Variants in GREB1 observed in about 807,000 individuals in gnomAD.
The protein encoded by GREB1 is protein GREB1.
Under a neutral mutation model 200.7 loss-of-function variants are expected in GREB1, and 106 were observed. The ratio of observed to expected loss-of-function variants is 0.53; its 90% confidence interval spans 0.45 to 0.62. The LOEUF is 0.62. Among genes scored for constraint, GREB1 ranks in the 20% least tolerant of loss-of-function variants. The pLI is 0.00. For missense variants in GREB1, 2,243 were observed against 2,556.8 expected (o/e 0.88, Z 2.65); for synonymous variants, 1,132 against 1,092.4 (o/e 1.04, Z -0.72).
At chr2:11,489,771 T>C (rs1025178782) in intron 1 of GREB1, among the ~76,000 whole-genome samples, 22 of 152,094 alleles carry the variant, frequency 1.4e-4, no homozygotes, top group African/African-American at 5.3e-4. Flanking sequence ...CAATCTACCA[T>C]GTAAAAGTAT....
rs1680035147 is a variant in GREB1 at position 11,585,910 on chromosome 2, G to C, written c.1159+5G>C. 1 of 1,612,626 alleles carries C rather than the reference G, an allele frequency of 6.2e-7. No individual in the cohort carries two copies. The highest frequency in any genetic ancestry group is 1.7e-5 in the Admixed American group (1 of 59,962). On this transcript the variant is annotated splice_donor_5th_base_variant and intron_variant, in intron 9 of 32. Coordinates refer to ENST00000381486, the MANE Select transcript of GREB1 (RefSeq NM_014668.4). ...CCAAGCCAGTGATATTTAAAGGCAA[G>C]TACAGCAGTGCACCGAGTCGTGGGG...
upstream of GREB1, among the ~76,000 whole-genome samples, chr2:11,530,722 G>T (rs550152818): frequency 2.0e-5 from 3 of 152,256 alleles, no homozygotes; most frequent in African/African-American, 4.8e-5. Flanking sequence ...ATGATGAAGT[G>T]CACCTTCACC....
At chr2:11,545,572 G>A (rs879941184) in intron 1 of GREB1, among the ~76,000 whole-genome samples, 5 of 152,136 alleles carry the variant, frequency 3.3e-5, no homozygotes, top group Non-Finnish European at 7.3e-5. Flanking sequence ...TAAAAAAAAT[G>A]CATCCTTTTC....
chr2:11,636,737 A>C (rs1349249721), intron 30 of GREB1, among the ~76,000 whole-genome samples: 1 of 139,916 alleles, frequency 7.1e-6, no homozygotes, highest in Non-Finnish European at 1.6e-5. Context: ...GGCAGGGGTA[A>C]GGGCATGGGC....
At chr2:11,638,167 T>A (rs1391037189) in intron 31 of GREB1, among the ~76,000 whole-genome samples, 1 of 152,062 alleles carries the variant, frequency 6.6e-6, no homozygotes, top group East Asian at 1.9e-4. Flanking sequence ...TGAGATGGAG[T>A]TTCACTTTTG....
intron 1 of GREB1, among the ~76,000 whole-genome samples, chr2:11,515,489 C>T (rs995532064): frequency 1.3e-5 from 2 of 152,232 alleles, no homozygotes; most frequent in African/African-American, 4.8e-5. Flanking sequence ...CCCACTCTGT[C>T]TTTTTCCATT....
At chr2:11,556,796 C>G (rs1676473679) in intron 2 of GREB1, 25 bp downstream of exon 2, 1 of 1,597,516 alleles carries the variant, frequency 6.3e-7, no homozygotes, top group Non-Finnish European at 8.6e-7. Context: ...TTGCTTTTAT[C>G]TGTGTATTTC....
intron 4 of GREB1, 96 bp downstream of exon 4, chr2:11,566,752 C>A: frequency 8.9e-7 from 1 of 1,117,994 alleles, no homozygotes; most frequent in Non-Finnish European, 1.3e-6. Context: ...ACAGAGGGAC[C>A]ATCTTTGGGA....
intron 1 of GREB1, among the ~76,000 whole-genome samples, chr2:11,553,114 G>A (rs1053024623): frequency 4.0e-5 from 6 of 151,728 alleles, no homozygotes; most frequent in Non-Finnish European, 5.9e-5. Flanking sequence ...TGCGTCATTT[G>A]GGATAGGGAG....
At position 11,632,852 on chromosome 2, in the gene GREB1, A is replaced by C. The variant is rs189142737; in HGVS notation, c.4817-37A>C. 2.1e-4 allele frequency: 340 copies of C among 1,590,998 alleles called. 2 individuals carry two copies. The East Asian group carries it at 7.1e-3, about 33-fold the overall frequency. The stretch of plus-strand genomic sequence containing the variant: ...GTCTGTCTGCTGTGGGTGTGGGTGC[A>C]GGTCAGTCCTGAGTCCAGGTGCTTT... On this transcript the variant is annotated intron_variant, in intron 27 of 32. Coordinates refer to ENST00000381486, the MANE Select transcript of GREB1 (RefSeq NM_014668.4).
intron 6 of GREB1, among the ~76,000 whole-genome samples, chr2:11,579,876 G>T (rs748731489): frequency 2.0e-4 from 30 of 152,134 alleles, no homozygotes; most frequent in Non-Finnish European, 3.4e-4. Flanking sequence ...CTGCAAACCC[G>T]ACTGCTCTCC....
rs545012131 is a variant in GREB1, at chr2:11,487,248, T to C, written c.-159+4867T>C. ...GTACACATTTCTCAAACTTGACTGC[T>C]CTTAGGAAGTGACAAAAATATTGAA... On this transcript the variant is annotated intron_variant, in intron 1 of 2. Transcript: ENST00000628795. Among the ~76,000 whole-genome samples the C allele has an allele frequency of 1.4e-4, 22 of 152,308 alleles. 1 individual carries two copies. The South Asian group carries it at 4.6e-3, about 32-fold the overall frequency.
chr2:11,497,558 C>T (rs2148417874), intron 1 of GREB1, among the ~76,000 whole-genome samples: 1 of 152,250 alleles, frequency 6.6e-6, no homozygotes, highest in South Asian at 2.1e-4. Context: ...AAGAGTTTTC[C>T]AAAGTGACTG....
chr2:11,558,105 T>C (rs1676618339), intron 2 of GREB1, among the ~76,000 whole-genome samples: 1 of 152,184 alleles, frequency 6.6e-6, no homozygotes, highest in African/African-American at 2.4e-5. Context: ...GCTGAAGTAA[T>C]TGAATTCTGT....
intron 1 of GREB1, among the ~76,000 whole-genome samples, chr2:11,519,400 T>G (rs1673626298): frequency 1.3e-5 from 2 of 151,302 alleles, no homozygotes; most frequent in Non-Finnish European, 2.9e-5. Context: ...CTGATTATCC[T>G]GTAATTTCCT....
chr2:11,618,571 C>T lies in GREB1; in HGVS notation c.3696C>T (p.Ser1232=), dbSNP rs267598846. ...LSSSSGSSSS[S]VAPAAGTWVL... The stretch of plus-strand genomic sequence containing the variant: ...CCTCCTCGGGCTCATCCTCCTCATC[C>T]GTGGCGCCCGCTGCCGGCACGTGGG... The change falls in exon 22 of 33, where the codon TCC becomes TCT. Residue 1232 remains serine (S), a synonymous_variant. Coordinates refer to ENST00000381486, the MANE Select transcript of GREB1 (RefSeq NM_014668.4). 161 of 1,612,852 alleles carry T rather than the reference C, an allele frequency of 1.0e-4. No individual in the cohort carries two copies. The Admixed American group carries it at 1.0e-3, about 10-fold the overall frequency.
At chr2:11,627,191 G>A in intron 25 of GREB1, 87 bp downstream of exon 25, 1 of 1,260,520 alleles carries the variant, frequency 7.9e-7, no homozygotes, top group African/African-American at 1.5e-5. Context: ...TTCCAGAGTG[G>A]GAGATAGAGA....
At chr2:11,626,462 C>T (rs1384722083) in intron 24 of GREB1, among the ~76,000 whole-genome samples, 2 of 152,050 alleles carry the variant, frequency 1.3e-5, no homozygotes, top group Non-Finnish European at 2.9e-5. Context: ...GTGGCGTGCA[C>T]CTGTAATCCC....
chr2:11,534,295 T>C (rs187842839), intron 1 of GREB1, 41 bp downstream of exon 1: 1 of 152,276 alleles, frequency 6.6e-6, no homozygotes, highest in East Asian at 1.9e-4. Flanking sequence ...GTGCGCCTTT[T>C]GTATATTCTC....
Sources: gnomAD v4.1 joint callset for allele counts (sites outside exome capture counted in the v4.1 genomes callset) on GRCh38, gnomAD v4.1.1 for gene constraint, MANE v1.5 for transcripts, NCBI Gene and HGNC (gene_info 2026-07-23, HGNC 2026-07-21) for gene names.